Variants in SHLD1 observed in about 807,000 individuals in gnomAD.
SHLD1 encodes RINN1-REV7-interacting novel NHEJ regulator 3.
A neutral mutation model predicts 5.5 loss-of-function variants in SHLD1; 3 were observed. The observed-to-expected ratio is 0.54, with a 90% CI of 0.25 to 1.40. The LOEUF (loss-of-function observed/expected upper bound fraction) is 1.40, where lower values mean the gene tolerates loss of function less well. Among genes scored for constraint, SHLD1 ranks in the 40% most tolerant of loss-of-function variants. SHLD1 has a pLI of 0.15. For synonymous variants in SHLD1, 92 were observed against 94.3 expected (o/e 0.98, Z 0.14); for missense variants, 210 against 244.4 (o/e 0.86, Z 0.94).
intron 2 of SHLD1, among the ~76,000 whole-genome samples, chr20:5,832,205 T>C (rs951615452): frequency 6.6e-6 from 1 of 152,150 alleles, no homozygotes; most frequent in Non-Finnish European, 1.5e-5. Context: ...CTTCCCAAAG[T>C]GCTGGGATTA....
chr20:5,751,829 G>C (rs1983767405), intron 1 of SHLD1, among the ~76,000 whole-genome samples: 1 of 152,080 alleles, frequency 6.6e-6, no homozygotes, highest in Non-Finnish European at 1.5e-5. Context: ...GGAGACAGGA[G>C]TTAACAGGCA....
chr20:5,792,299 C>T (rs553163750), intron 2 of SHLD1, among the ~76,000 whole-genome samples: 2 of 152,190 alleles, frequency 1.3e-5, no homozygotes, highest in African/African-American at 2.4e-5. Flanking sequence ...TCTGTGCTTT[C>T]TTCTAGGAGT....
intron 2 of SHLD1, among the ~76,000 whole-genome samples, chr20:5,792,714 C>A (rs2087159125): frequency 6.7e-6 from 1 of 150,268 alleles, no homozygotes; most frequent in Admixed American, 6.7e-5. Context: ...TGGTCTGTTG[C>A]CCAGGCTGGA....
At chr20:5,793,693 T>C (rs1327478157) in intron 2 of SHLD1, among the ~76,000 whole-genome samples, 2 of 152,202 alleles carry the variant, frequency 1.3e-5, no homozygotes, top group East Asian at 1.9e-4. Context: ...CTCAATGTTA[T>C]TTATTTAATC....
At chr20:5,773,393 A>G (rs1985280545) in intron 2 of SHLD1, 4 of 557,048 alleles carry the variant, frequency 7.2e-6, no homozygotes, top group South Asian at 4.6e-5. Flanking sequence ...ACTTCAGAAA[A>G]TAGCAATGTG....
At chr20:5,790,966 C>T (rs925780580) in intron 2 of SHLD1, among the ~76,000 whole-genome samples, 4 of 151,484 alleles carry the variant, frequency 2.6e-5, no homozygotes, top group African/African-American at 9.7e-5. Context: ...AGTTTGAGAC[C>T]ACGTTGGATG....
chr20:5,832,805 A>T (rs1339892789), intron 2 of SHLD1, among the ~76,000 whole-genome samples: 22 of 19,342 alleles, frequency 1.1e-3, no homozygotes, highest in African/African-American at 2.0e-3. Flanking sequence ...AATAATAAAT[A>T]AATAAATAAA....
At chr20:5,844,414 G>A (rs2087902013) in intron 2 of SHLD1, among the ~76,000 whole-genome samples, 1 of 152,168 alleles carries the variant, frequency 6.6e-6, no homozygotes. Flanking sequence ...AGTCATTTCA[G>A]TCCCACCCAC....
chr20:5,804,741 C>T (rs892928246), intron 2 of SHLD1, among the ~76,000 whole-genome samples: 1 of 152,182 alleles, frequency 6.6e-6, no homozygotes, highest in African/African-American at 2.4e-5. Context: ...GAAGAAGGAG[C>T]CTCTTGTTCA....
chr20:5,808,008 G>A (rs907563527), intron 2 of SHLD1, among the ~76,000 whole-genome samples: 1 of 152,184 alleles, frequency 6.6e-6, no homozygotes, highest in Non-Finnish European at 1.5e-5. Context: ...AAGGGCGGGC[G>A]CGGTGGCTCA....
intron 2 of SHLD1, among the ~76,000 whole-genome samples, chr20:5,790,427 C>T (rs867657977): frequency 1.3e-5 from 2 of 151,350 alleles, no homozygotes; most frequent in African/African-American, 4.9e-5. Flanking sequence ...TAGGCCAGGA[C>T]CTGCATGCTA....
chr20:5,782,178 G>A (rs2086997391), intron 2 of SHLD1, among the ~76,000 whole-genome samples: 1 of 152,178 alleles, frequency 6.6e-6, no homozygotes, highest in South Asian at 2.1e-4. Context: ...CACCCTGTCT[G>A]TTAGATACTT....
chr20:5,752,259 G>A lies in SHLD1; in HGVS notation c.-5+1780G>A, dbSNP rs571947366. Among the ~76,000 whole-genome samples, 14 of 152,200 alleles carry A rather than the reference G, an allele frequency of 9.2e-5. No homozygotes were observed. The East Asian group carries it at 1.4e-3, about 15-fold the overall frequency. ...AAAAATAAAAAAATTAGCCAGGCAC[G>A]GTGGCGTGCGCCTGTAATCCCAGCT... On this transcript the variant is annotated intron_variant, in intron 1 of 2. Transcript: ENST00000303142.
chr20:5,812,167 A>T (rs531680306), intron 2 of SHLD1, among the ~76,000 whole-genome samples: 9 of 151,340 alleles, frequency 5.9e-5, no homozygotes, highest in African/African-American at 2.2e-4. Flanking sequence ...TATCTCCACA[A>T]ATCTATTAGC....
intron 1 of SHLD1, among the ~76,000 whole-genome samples, chr20:5,760,633 C>T (rs1185331632): frequency 6.6e-6 from 1 of 151,550 alleles, no homozygotes; most frequent in East Asian, 1.9e-4. Flanking sequence ...GAGGAGGTTG[C>T]AGTGAGCCGA....
intron 2 of SHLD1, among the ~76,000 whole-genome samples, chr20:5,775,923 A>ATTTTTTTTTTCTTTTTT (rs1985403471): frequency 1.3e-5 from 1 of 77,678 alleles, no homozygotes; most frequent in Non-Finnish European, 2.4e-5. Context: ...TCAGCTCAGG[A>ATTTTTTTTTTCTTTTTT]TTTTTTTTTT....
chr20:5,761,174 CAT>C (rs1984442716), intron 1 of SHLD1, among the ~76,000 whole-genome samples: 1 of 152,020 alleles, frequency 6.6e-6, no homozygotes, highest in Non-Finnish European at 1.5e-5. Flanking sequence ...CCAAACACCA[CAT>C]GTTCTCACTC....
At chr20:5,771,863 CTTTTTTTTTTTT>C (rs34145480) in intron 1 of SHLD1, 8 of 79,406 alleles carry the variant, frequency 1.0e-4, no homozygotes, top group East Asian at 4.9e-4. Context: ...GAACTTTTAC[CTTTTTTTTTTTT>C]TTTTTTTTTT....
chr20:5,846,238 C>T lies in SHLD1; in HGVS notation c.179-16786C>T, dbSNP rs151299712. ...ACAGATTGTGGGAGGCCCACAATCT[C>T]CTCTTGAAGGAAAAAGGATCAGGTT... On this transcript the variant is annotated intron_variant, in intron 2 of 2. Coordinates refer to ENST00000303142, the MANE Select transcript of SHLD1 (RefSeq NM_152504.4). 7.1e-3 allele frequency among the ~76,000 whole-genome samples: 1,087 copies of T among 152,228 alleles called. 18 individuals carry two copies. Among genetic ancestry groups the T allele is most frequent in the African/African-American group, 0.025 (1,033 of 41,538 alleles).
Sources: gnomAD v4.1 joint callset for allele counts (sites outside exome capture counted in the v4.1 genomes callset) on GRCh38, gnomAD v4.1.1 for gene constraint, MANE v1.5 for transcripts, NCBI Gene and HGNC (gene_info 2026-07-23, HGNC 2026-07-21) for gene names.